The following L3MBTL4 variants were observed in gnomAD, a reference collection of about 807,000 sequenced individuals.
The protein encoded by L3MBTL4 is L3MBTL histone methyl-lysine binding protein 4, also known as lethal(3)malignant brain tumor-like protein 4.
Under a neutral mutation model 84.5 loss-of-function variants are expected in L3MBTL4, and 70 were observed. That is an observed-to-expected ratio of 0.83 (90% CI 0.68 to 1.01). L3MBTL4 has a LOEUF of 1.01. Among genes scored for constraint, L3MBTL4 ranks in the 50% least tolerant of loss-of-function variants. The probability of loss-of-function intolerance (pLI) is 0.00; values close to 1 mark genes in which losing one functional copy is unlikely to be tolerated. For missense variants in L3MBTL4, 715 were observed against 754.8 expected (o/e 0.95, Z 0.62); for synonymous variants, 274 against 259.8 (o/e 1.05, Z -0.52).
At chr18:5,960,073 T>A (rs774661594) in intron 18 of L3MBTL4, 21 bp downstream of exon 18, 1 of 934,388 alleles carries the variant, frequency 1.1e-6, no homozygotes. Flanking sequence ...TATATATATA[T>A]ATAATTTTTG....
At chr18:6,054,779 G>A (rs1187618032) in intron 16 of L3MBTL4, among the ~76,000 whole-genome samples, 7 of 152,232 alleles carry the variant, frequency 4.6e-5, no homozygotes, top group Admixed American at 4.6e-4. Context: ...TAAAGAATAT[G>A]TCCTGGATGA....
intron 1 of L3MBTL4, among the ~76,000 whole-genome samples, chr18:6,371,754 A>C (rs1341546812): frequency 1.3e-5 from 2 of 152,260 alleles, no homozygotes; most frequent in African/African-American, 2.4e-5. Flanking sequence ...GCCAACCTAT[A>C]ATAAAGCAGA....
intron 16 of L3MBTL4, among the ~76,000 whole-genome samples, chr18:6,026,117 A>G (rs1284101015): frequency 6.6e-6 from 1 of 152,232 alleles, no homozygotes; most frequent in East Asian, 1.9e-4. Flanking sequence ...TTTTCCTCCC[A>G]TTGATTCTTT....
At chr18:6,206,789 T>C (rs1438229445) in intron 12 of L3MBTL4, among the ~76,000 whole-genome samples, 1 of 152,198 alleles carries the variant, frequency 6.6e-6, no homozygotes, top group African/African-American at 2.4e-5. Context: ...GATTACATGG[T>C]AGCCCGCATT....
chr18:6,221,422 G>T (rs2046547986), intron 10 of L3MBTL4, among the ~76,000 whole-genome samples: 1 of 152,112 alleles, frequency 6.6e-6, no homozygotes, highest in Admixed American at 6.5e-5. Flanking sequence ...TCTGCCAAGG[G>T]TCTATCACAA....
At chr18:6,043,739 C>T (rs2056501676) in intron 16 of L3MBTL4, among the ~76,000 whole-genome samples, 1 of 152,148 alleles carries the variant, frequency 6.6e-6, no homozygotes, top group African/African-American at 2.4e-5. Context: ...ACAGTACTTA[C>T]TAAGTAGTAG....
At chr18:6,133,656 C>G (rs1274420679) in intron 14 of L3MBTL4, among the ~76,000 whole-genome samples, 1 of 152,270 alleles carries the variant, frequency 6.6e-6, no homozygotes, top group East Asian at 1.9e-4. Flanking sequence ...GGCCCCCTAC[C>G]CCAGGAATGT....
intron 12 of L3MBTL4, among the ~76,000 whole-genome samples, chr18:6,176,614 T>A (rs1322783804): frequency 6.6e-6 from 1 of 151,858 alleles, no homozygotes; most frequent in Non-Finnish European, 1.5e-5. Context: ...AGAAGAAAAC[T>A]TTAAGATAAA....
intron 13 of L3MBTL4, among the ~76,000 whole-genome samples, chr18:6,155,843 C>T (rs2043080591): frequency 6.6e-6 from 1 of 152,134 alleles, no homozygotes; most frequent in Non-Finnish European, 1.5e-5. Context: ...CTTTATACAG[C>T]TCTCTTTCAG....
intron 12 of L3MBTL4, 91 bp downstream of exon 12, chr18:6,213,058 C>T (rs1320165501): frequency 1.5e-5 from 10 of 688,848 alleles, no homozygotes; most frequent in African/African-American, 3.7e-5. Flanking sequence ...AATTAAAAAA[C>T]GAGAAAGGTT....
At chr18:6,064,497 A>G (rs1479162469) in intron 16 of L3MBTL4, among the ~76,000 whole-genome samples, 2 of 151,604 alleles carry the variant, frequency 1.3e-5, no homozygotes, top group African/African-American at 4.8e-5. Context: ...TGAGCATGGG[A>G]TGTGTTTCCA....
At chr18:6,115,563 C>G (rs150648558) in intron 14 of L3MBTL4, among the ~76,000 whole-genome samples, 1 of 152,124 alleles carries the variant, frequency 6.6e-6, no homozygotes, top group African/African-American at 2.4e-5. Flanking sequence ...ACCTACAAGG[C>G]GATGCTCATT....
At chr18:6,212,872 C>A (rs1350080254) in intron 12 of L3MBTL4, among the ~76,000 whole-genome samples, 1 of 152,152 alleles carries the variant, frequency 6.6e-6, no homozygotes, top group Non-Finnish European at 1.5e-5. Context: ...AGAAATTAAG[C>A]CAGGGGCAGT....
chr18:5,977,394 TC>T (rs2052997481), intron 16 of L3MBTL4, among the ~76,000 whole-genome samples: 1 of 152,134 alleles, frequency 6.6e-6, no homozygotes, highest in Non-Finnish European at 1.5e-5. Context: ...GTCAGCTCCC[TC>T]CCTCCCCAAG....
At chr18:6,100,788 T>C (rs1426317607) in intron 14 of L3MBTL4, among the ~76,000 whole-genome samples, 1 of 152,186 alleles carries the variant, frequency 6.6e-6, no homozygotes, top group Non-Finnish European at 1.5e-5. Flanking sequence ...GCAGTGGCCC[T>C]GTTAATGTTG....
intron 16 of L3MBTL4, among the ~76,000 whole-genome samples, chr18:6,050,366 G>A (rs1353980431): frequency 1.2e-4 from 19 of 152,098 alleles, no homozygotes; most frequent in Admixed American, 1.2e-3. Flanking sequence ...ATTTTCCTTT[G>A]AATAGAAACT....
At chr18:6,199,235 G>A (rs1031670009) in intron 12 of L3MBTL4, among the ~76,000 whole-genome samples, 18 of 152,310 alleles carry the variant, frequency 1.2e-4, no homozygotes, top group African/African-American at 4.1e-4. Context: ...GGCTTCTTAA[G>A]GTGGATGTGC....
chr18:6,106,267 A>T (rs1165176732), intron 14 of L3MBTL4, among the ~76,000 whole-genome samples: 1 of 152,194 alleles, frequency 6.6e-6, no homozygotes, highest in Non-Finnish European at 1.5e-5. Flanking sequence ...AAATTATGAA[A>T]CACCTGGCAC....
Position 6,108,888 on chromosome 18 carries a change from A to AT in L3MBTL4, c.1200-15361dup, listed in dbSNP as rs1302668791. Among the ~76,000 whole-genome samples the AT allele has an allele frequency of 2.6e-5, 4 of 152,240 alleles. No homozygotes were observed. The East Asian group carries it at 7.7e-4, about 29-fold the overall frequency. On this transcript the variant is annotated intron_variant, in intron 14 of 18. Transcript: ENST00000317931. ...AGTAGGTATTACAAGGAATCTAGAG[A>AT]TGATTTAAAGTGTACAGAAGAATAT...
Sources: allele counts gnomAD v4.1 joint callset (sites outside exome capture counted in the v4.1 genomes callset), GRCh38; gene constraint gnomAD v4.1.1; transcripts MANE v1.5; gene names NCBI Gene and HGNC (gene_info 2026-07-23, HGNC 2026-07-21).